The following FRYL variants were observed in gnomAD, a reference collection of about 807,000 sequenced individuals.
The protein encoded by FRYL is protein furry homolog-like.
In FRYL, 150 loss-of-function variants were observed where a neutral mutation model predicts 351.2. The observed-to-expected ratio is 0.43, with a 90% confidence interval of 0.37 to 0.49. The LOEUF (loss-of-function observed/expected upper bound fraction) is 0.49. Among genes scored for constraint, FRYL ranks in the 20% least tolerant of loss-of-function variants. The probability of loss-of-function intolerance (pLI) is 0.00; values close to 1 mark genes in which losing one functional copy is unlikely to be tolerated. For synonymous variants in FRYL, 1,153 were observed against 1,257.1 expected (o/e 0.92, Z 1.75); for missense variants, 3,036 against 3,619.3 (o/e 0.84, Z 4.13).
At chr4:48,684,265 C>A (rs934975492) in intron 3 of FRYL, among the ~76,000 whole-genome samples, 4 of 152,198 alleles carry the variant, frequency 2.6e-5, no homozygotes, top group Non-Finnish European at 5.9e-5. Flanking sequence ...GGGAAATATA[C>A]TCTCACAGTT....
chr4:48,638,713 C>G (rs934558855), intron 3 of FRYL: 1 of 152,180 alleles, frequency 6.6e-6, no homozygotes, highest in African/African-American at 2.4e-5. Flanking sequence ...AACCCAAATG[C>G]CCATCAATGA....
chr4:48,677,473 C>T (rs570645885), intron 3 of FRYL, among the ~76,000 whole-genome samples: 2 of 151,530 alleles, frequency 1.3e-5, no homozygotes, highest in African/African-American at 2.4e-5. Flanking sequence ...TGCAGTAGTG[C>T]GATCTCGGCT....
At chr4:48,672,454 G>A (rs1234297452) in intron 3 of FRYL, among the ~76,000 whole-genome samples, 3 of 152,120 alleles carry the variant, frequency 2.0e-5, no homozygotes, top group South Asian at 2.1e-4. Flanking sequence ...AAAGTACTCC[G>A]AAGACCCTCT....
At chr4:48,701,516 C>A (rs1051532661) in intron 2 of FRYL, among the ~76,000 whole-genome samples, 4 of 152,044 alleles carry the variant, frequency 2.6e-5, no homozygotes, top group African/African-American at 7.2e-5. Flanking sequence ...CAGAAGGAAA[C>A]CTGTAAGGAT....
At chr4:48,541,959 A>C in intron 45 of FRYL, 68 bp downstream of exon 45, 1 of 1,044,752 alleles carries the variant, frequency 9.6e-7, no homozygotes, top group Non-Finnish European at 1.5e-6. Context: ...GAATTTTAAA[A>C]GTTATAGCTA....
chr4:48,620,791 G>A lies in FRYL; in HGVS notation c.175-13C>T. ...TAGAGCTTATCAACTGAAAACACAA[G>A]ATATTACCAGAAAATAAATTGTAAC... On this transcript the variant is annotated splice_polypyrimidine_tract_variant and intron_variant, in intron 5 of 63. Transcript: ENST00000358350. 1 of 1,603,074 alleles carries A rather than the reference G, an allele frequency of 6.2e-7. No homozygotes were observed. The highest frequency in any genetic ancestry group is 8.5e-7 in the Non-Finnish European group (1 of 1,172,028).
Position 48,534,561 on chromosome 4 carries a change from A to G in FRYL, c.6689T>C (p.Ile2230Thr), listed in dbSNP as rs779366343. Reference sequence around the variant, plus strand: ...GTCACTCACCTGTACATATTTGCCAATAATCTTTATGATCTCCAGATTAAA... The same window carrying G: ...GTCACTCACCTGTACATATTTGCCAGTAATCTTTATGATCTCCAGATTAAA... ...KQFNLEIIKI[I>T]GKYVQSPYWK... is the part of the protein sequence containing the mutation. Residue 2230 changes from isoleucine to threonine, a missense_variant, in exon 49 of 64, where the codon ATT (isoleucine) becomes ACT (threonine). Ile to Thr is a moderately conservative substitution (Grantham distance 89, BLOSUM62 -1). Coordinates refer to ENST00000358350, the MANE Select transcript of FRYL (RefSeq NM_015030.2). 3.7e-5 allele frequency: 60 copies of G among 1,612,216 alleles called. No individual in the cohort carries two copies. The highest frequency in any genetic ancestry group is 4.7e-5 in the Non-Finnish European group (56 of 1,179,106).
intron 55 of FRYL, among the ~76,000 whole-genome samples, chr4:48,516,271 T>G (rs1357014084): frequency 6.6e-6 from 1 of 152,222 alleles, no homozygotes; most frequent in Non-Finnish European, 1.5e-5. Flanking sequence ...ATACTAGTGG[T>G]GTGCCCTTTC....
At chr4:48,571,011 T>C (rs1507865) in intron 26 of FRYL, 93 bp from the exon 27 acceptor site, 448,375 of 970,946 alleles carry the variant, frequency 0.46, 107,629 homozygotes, top group Admixed American at 0.6. Flanking sequence ...TCTGGGCTCA[T>C]TGAAGTTATT....
intron 3 of FRYL, among the ~76,000 whole-genome samples, chr4:48,654,281 T>C (rs1247452556): frequency 6.7e-6 from 1 of 149,446 alleles, no homozygotes; most frequent in Non-Finnish European, 1.5e-5. Context: ...TTTAAATCTT[T>C]TCCCTTAATA....
rs28522711 is a variant in FRYL, at chr4:48,690,080, T to G, written c.-203-5285A>C. Among the ~76,000 whole-genome samples, 7 of 138,446 alleles carry G rather than the reference T, an allele frequency of 5.1e-5. 3 individuals carry two copies. The allele number at this position is 138,446 out of a possible 152,430, so 90.8% of individuals were successfully genotyped here. A position where few individuals can be genotyped will look rare whatever the true frequency, so the allele number is the denominator to read the frequency against. Reference sequence around the variant, plus strand: ...CCCAGCTAATTTTTTTTTTTTTTTGTATTTTTAGTAGAGATGGGGTTTCAC... The same window carrying G: ...CCCAGCTAATTTTTTTTTTTTTTTGGATTTTTAGTAGAGATGGGGTTTCAC... On this transcript the variant is annotated intron_variant, in intron 2 of 63. Transcript: ENST00000358350.
At chr4:48,600,910 A>G (rs1745566089) in intron 13 of FRYL, among the ~76,000 whole-genome samples, 2 of 152,230 alleles carry the variant, frequency 1.3e-5, no homozygotes, top group Admixed American at 1.3e-4. Context: ...AATAAGGCAT[A>G]TAAATTCTCA....
intron 2 of FRYL, among the ~76,000 whole-genome samples, chr4:48,705,244 A>T (rs1767195911): frequency 6.6e-6 from 1 of 152,060 alleles, no homozygotes; most frequent in Admixed American, 6.6e-5. Flanking sequence ...ATGCATTTAT[A>T]TTATACCATT....
Position 48,590,843 on chromosome 4 carries a change from A to G in FRYL, c.1336-13T>C. The G allele has an allele frequency of 6.3e-7, 1 of 1,586,480 alleles. No individual in the cohort carries two copies. The highest frequency in any genetic ancestry group is 8.5e-7 in the Non-Finnish European group (1 of 1,170,596). On this transcript the variant is annotated splice_polypyrimidine_tract_variant and intron_variant, in intron 16 of 63. Coordinates refer to ENST00000358350, the MANE Select transcript of FRYL (RefSeq NM_015030.2). ...CTATGTTCATTCTCTTCAAAGGAAA[A>G]AAATGCAAAAGGAAGAGATGAGTAT...
intron 1 of FRYL, among the ~76,000 whole-genome samples, chr4:48,739,086 G>A (rs921972050): frequency 1.5e-4 from 23 of 152,084 alleles, no homozygotes; most frequent in Admixed American, 1.4e-3. Context: ...AGAACAGAGA[G>A]CCCAGAAATG....
intron 2 of FRYL, among the ~76,000 whole-genome samples, chr4:48,708,496 C>T (rs1423259326): frequency 1.3e-5 from 2 of 152,024 alleles, no homozygotes; most frequent in Non-Finnish European, 2.9e-5. Flanking sequence ...ACTCATTTAC[C>T]CTTGGGCCCT....
chr4:48,528,389 A>C, intron 50 of FRYL, 53 bp from the exon 51 acceptor site: 2 of 1,467,674 alleles, frequency 1.4e-6, no homozygotes, highest in Non-Finnish European at 1.9e-6. Flanking sequence ...ACATAAAAGA[A>C]ACTTAAAAGG....
At position 48,602,003 on chromosome 4, in the gene FRYL, G is replaced by A. The variant is rs1472815500; in HGVS notation, c.1035+17C>T. The stretch of plus-strand genomic sequence containing the variant: ...ACCAGTCAGTATTTACATATCAGAA[G>A]TGTGATTACATCTTACCTTTAAATG... On this transcript the variant is annotated intron_variant, in intron 13 of 63. Transcript: ENST00000358350. 1 of 1,340,096 alleles carries A rather than the reference G, an allele frequency of 7.5e-7. No homozygotes were observed. The highest frequency in any genetic ancestry group is 1.1e-6 in the Non-Finnish European group (1 of 933,778). The allele number at this position is 1,340,096 out of a possible 1,614,324, so 83.0% of individuals were successfully genotyped here. A position where few individuals can be genotyped will look rare whatever the true frequency, so the allele number is the denominator to read the frequency against.
intron 1 of FRYL, among the ~76,000 whole-genome samples, chr4:48,763,758 A>C (rs1289877012): frequency 1.3e-5 from 2 of 152,134 alleles, no homozygotes; most frequent in Non-Finnish European, 1.5e-5. Context: ...TACTACTTCC[A>C]CTCGACATGT....
Sources: allele counts gnomAD v4.1 joint callset (sites outside exome capture counted in the v4.1 genomes callset), GRCh38; gene constraint gnomAD v4.1.1; transcripts MANE v1.5; gene names NCBI Gene and HGNC (gene_info 2026-07-23, HGNC 2026-07-21).